Variants in NF1 observed in about 807,000 individuals in gnomAD.
NF1 encodes neurofibromin.
A neutral mutation model predicts 325.7 loss-of-function variants in NF1; 122 were observed. That is an observed-to-expected ratio of 0.37 (90% CI 0.32 to 0.44). The LOEUF is 0.44. Ranked by LOEUF, NF1 falls within the 20% of genes least tolerant of loss-of-function variation. The pLI, the probability that NF1 is intolerant of heterozygous loss-of-function variation, is 1.00. For missense variants in NF1, 2,140 were observed against 3,415.4 expected, an observed-to-expected ratio of 0.63 and a Z score of 9.31; for synonymous variants, 1,091 against 1,186.0, an observed-to-expected ratio of 0.92 and a Z score of 1.65.
At chr17:31,296,545 C>G (rs1041950380) in intron 36 of NF1, 1 of 576,188 alleles carries the variant, frequency 1.7e-6, no homozygotes, top group Non-Finnish European at 3.1e-6. Flanking sequence ...TAGAGAGAGA[C>G]TCTCTCCCTA....
chr17:31,176,564 A>G (rs2066026945), intron 5 of NF1, among the ~76,000 whole-genome samples: 1 of 152,140 alleles, frequency 6.6e-6, no homozygotes, highest in African/African-American at 2.4e-5. Flanking sequence ...TTGGTGTTTC[A>G]GTCATGAAGT....
chr17:31,213,283 G>A (rs2066760889), intron 12 of NF1, among the ~76,000 whole-genome samples: 1 of 152,134 alleles, frequency 6.6e-6, no homozygotes, highest in African/African-American at 2.4e-5. Context: ...CTATTTGGAA[G>A]TTTTGCTATT....
At chr17:31,288,394 C>T (rs2068280150) in intron 36 of NF1, among the ~76,000 whole-genome samples, 1 of 152,122 alleles carries the variant, frequency 6.6e-6, no homozygotes, top group Admixed American at 6.5e-5. Flanking sequence ...ACATTTGTTT[C>T]TACTTCTCTT....
intron 11 of NF1, among the ~76,000 whole-genome samples, chr17:31,204,595 T>C (rs2066588039): frequency 6.6e-6 from 1 of 151,850 alleles, no homozygotes; most frequent in African/African-American, 2.4e-5. Context: ...TTATGAAAAA[T>C]GAAAACTATG....
At chr17:31,315,862 T>A (rs763539385) in intron 36 of NF1, among the ~76,000 whole-genome samples, 33 of 152,178 alleles carry the variant, frequency 2.2e-4, no homozygotes, top group Admixed American at 9.8e-4. Flanking sequence ...AGTTTTTTTT[T>A]ATGGGCTCCT....
Position 31,362,464 on chromosome 17 carries a change from G to C in NF1, c.8377+1761G>C, listed in dbSNP as rs185321208. The C allele has an allele frequency of 1.7e-5, 8 of 476,208 alleles. No individual in the cohort carries two copies. The East Asian group carries it at 1.1e-3, about 64-fold the overall frequency. The allele number at this position is 476,208 out of a possible 1,614,324, so 29.5% of individuals were successfully genotyped here. On this transcript the variant is annotated intron_variant, in intron 57 of 57. Transcript: ENST00000358273. ...TATACAGTTCTTATCTAGAACCAAG[G>C]CCAGGCCCTTTTGTACTACATTCAT...
chr17:31,322,933 A>G (rs959542670), intron 36 of NF1, among the ~76,000 whole-genome samples: 3 of 152,212 alleles, frequency 2.0e-5, no homozygotes, highest in African/African-American at 4.8e-5. Flanking sequence ...TAGACTCTAC[A>G]GTGCCTTTTC....
chr17:31,281,185 C>T (rs912524832), intron 36 of NF1, among the ~76,000 whole-genome samples: 2 of 152,196 alleles, frequency 1.3e-5, no homozygotes, highest in Admixed American at 1.3e-4. Flanking sequence ...AGGCTAGATG[C>T]TGACCTTGTA....
At chr17:31,289,787 C>T (rs1597785212) in intron 36 of NF1, among the ~76,000 whole-genome samples, 1 of 152,006 alleles carries the variant, frequency 6.6e-6, no homozygotes, top group African/African-American at 2.4e-5. Context: ...GTTTAAATGC[C>T]TTAACTGTAG....
chr17:31,165,850 C>T (rs570501417), intron 4 of NF1, among the ~76,000 whole-genome samples: 48 of 152,108 alleles, frequency 3.2e-4, no homozygotes, highest in South Asian at 1.5e-3. Context: ...CCACCATGCC[C>T]GGCTAGTTTC....
At chr17:31,315,042 C>T (rs892610745) in intron 36 of NF1, among the ~76,000 whole-genome samples, 1 of 152,316 alleles carries the variant, frequency 6.6e-6, no homozygotes, top group African/African-American at 2.4e-5. Flanking sequence ...ATTTGCATTT[C>T]TCTCATCAGT....
chr17:31,270,642 C>T (rs2067876181), intron 36 of NF1, among the ~76,000 whole-genome samples: 1 of 152,078 alleles, frequency 6.6e-6, no homozygotes, highest in Admixed American at 6.6e-5. Context: ...AAAACAAAAA[C>T]CCCAAGTTAC....
chr17:31,332,573 G>GT (rs566009086), intron 39 of NF1, among the ~76,000 whole-genome samples: 62,532 of 91,828 alleles, frequency 0.68, 25,481 homozygotes, highest in South Asian at 0.79. Flanking sequence ...TACAGATCAT[G>GT]GTTTTTTTTT....
At position 31,225,146 on chromosome 17, in the gene NF1, G is replaced by C. The variant is rs2144026434; in HGVS notation, c.1897G>C (p.Asp633His). 6.2e-7 allele frequency: 1 copy of C among 1,613,710 alleles called. No individual in the cohort carries two copies. The highest frequency in any genetic ancestry group is 8.5e-7 in the Non-Finnish European group (1 of 1,179,748). The change falls in exon 17 of 58, where the codon GAT (aspartate) becomes CAT (histidine). Residue 633 changes from aspartate to histidine, a missense_variant. Coordinates refer to ENST00000358273, the MANE Select transcript of NF1 (RefSeq NM_001042492.3). Reference protein sequence around the residue: ...HFLLFYGVGCDIPSSGNTSQM... With the variant: ...HFLLFYGVGCHIPSSGNTSQM... ...TCTCCTTTTTTACGGGGTAGGATGT[G>C]ATATTCCTTCTAGTGGAAATACCAG... is the stretch of plus-strand genomic sequence containing the variant.
chr17:31,282,314 G>A lies in NF1; in HGVS notation c.4835+16975G>A, dbSNP rs564998650. Among the ~76,000 whole-genome samples, 251 of 151,192 alleles carry A rather than the reference G, an allele frequency of 1.7e-3. 2 individuals carry two copies. Among genetic ancestry groups the A allele is most frequent in the African/African-American group, 5.7e-3 (233 of 41,130 alleles). On this transcript the variant is annotated intron_variant, in intron 36 of 57. Coordinates refer to ENST00000358273, the MANE Select transcript of NF1 (RefSeq NM_001042492.3). ...GGAGAATGGCTTGAACCTGGGAGGCGGAGCTTGCAGTGAGCTGAGATAGCG... is the reference window on the plus strand; with the variant it reads ...GGAGAATGGCTTGAACCTGGGAGGCAGAGCTTGCAGTGAGCTGAGATAGCG...
rs1309489236 is a variant in NF1 at position 31,356,804 on chromosome 17, CTT to C, written c.7739-153_7739-152del. ...CAGCATTGTAAATAGGTAGCCAAAACTTTTGTGTAGGCGAATAGTAATTCTCT... is the reference window on the plus strand; with the variant it reads ...CAGCATTGTAAATAGGTAGCCAAAACTTGTGTAGGCGAATAGTAATTCTCT... On this transcript the variant is annotated intron_variant, in intron 52 of 57. Coordinates refer to ENST00000358273, the MANE Select transcript of NF1 (RefSeq NM_001042492.3). 5.5e-6 allele frequency: 7 copies of C among 1,270,192 alleles called. No homozygotes were observed. The African/African-American group carries it at 1.1e-4, about 19-fold the overall frequency. The allele number at this position is 1,270,192 out of a possible 1,614,324, so 78.7% of individuals were successfully genotyped here.
chr17:31,296,747 G>T, intron 36 of NF1: 3 of 215,930 alleles, frequency 1.4e-5, no homozygotes, highest in African/African-American at 2.3e-5. Flanking sequence ...TGGCTGTCGT[G>T]TCTTTTTTTT....
intron 5 of NF1, among the ~76,000 whole-genome samples, chr17:31,173,281 G>A (rs1043316739): frequency 6.6e-6 from 1 of 152,044 alleles, no homozygotes; most frequent in Non-Finnish European, 1.5e-5. Context: ...GTAGTGGTGG[G>A]CGCCTGTAGT....
chr17:31,128,982 GT>G (rs1223223845), intron 1 of NF1, among the ~76,000 whole-genome samples: 2 of 151,058 alleles, frequency 1.3e-5, no homozygotes, highest in Non-Finnish European at 2.9e-5. Context: ...GACTTGTATA[GT>G]TTCTACTGAG....
Sources: gnomAD v4.1 joint callset for allele counts (sites outside exome capture counted in the v4.1 genomes callset) on GRCh38, gnomAD v4.1.1 for gene constraint, MANE v1.5 for transcripts, NCBI Gene and HGNC (gene_info 2026-07-23, HGNC 2026-07-21) for gene names.